SLC22A5: variants seen among roughly 807,000 people sequenced by gnomAD.
SLC22A5 encodes solute carrier family 22 member 5, also known as organic cation/carnitine transporter 2.
A neutral mutation model predicts 56.7 loss-of-function variants in SLC22A5; 44 were observed. That is an observed-to-expected ratio of 0.78 (90% CI 0.61 to 1.00). SLC22A5 has a LOEUF of 1.00. Among genes scored for constraint, SLC22A5 ranks in the 50% least tolerant of loss-of-function variants. The pLI, the probability that SLC22A5 is intolerant of heterozygous loss-of-function variation, is 0.00. For synonymous variants in SLC22A5, 278 were observed against 292.1 expected, an observed-to-expected ratio of 0.95 and a Z score of 0.49; for missense variants, 675 against 723.0, an observed-to-expected ratio of 0.93 and a Z score of 0.76.
At chr5:132,371,388 T>C (rs1180575041) in intron 1 of SLC22A5, among the ~76,000 whole-genome samples, 2 of 152,146 alleles carry the variant, frequency 1.3e-5, no homozygotes, top group Non-Finnish European at 2.9e-5. Flanking sequence ...CATACAGCCT[T>C]AGGTCATAGG....
At chr5:132,387,345 G>C (rs376166802) in intron 5 of SLC22A5, among the ~76,000 whole-genome samples, 194 bp downstream of exon 5, 7 of 137,628 alleles carry the variant, frequency 5.1e-5, no homozygotes, top group East Asian at 2.2e-4. Context: ...TTGAGGAATA[G>C]GTTACAGCTG....
intron 6 of SLC22A5, chr5:132,389,669 TG>T (rs1264180879): frequency 1.9e-5 from 3 of 159,314 alleles, no homozygotes; most frequent in African/African-American, 7.2e-5. Flanking sequence ...GGTGAGAAGA[TG>T]GGCGAGGAGG....
intron 5 of SLC22A5, among the ~76,000 whole-genome samples, chr5:132,388,393 T>C (rs376294333): frequency 4.6e-5 from 7 of 152,378 alleles, no homozygotes; most frequent in East Asian, 1.9e-4. Flanking sequence ...CTGAATTTCA[T>C]AGGAAGTCAC....
At chr5:132,385,521 A>T in intron 4 of SLC22A5, 22 bp downstream of exon 4, 1 of 1,608,818 alleles carries the variant, frequency 6.2e-7, no homozygotes, top group Non-Finnish European at 8.5e-7. Flanking sequence ...CTTGTGCCCC[A>T]TGTGCCCACT....
chr5:132,379,225 C>T (rs184571122), intron 2 of SLC22A5: 12 of 153,070 alleles, frequency 7.8e-5, no homozygotes, highest in Admixed American at 7.1e-4. Flanking sequence ...TTAGAGGGGT[C>T]CATTATGTTG....
chr5:132,371,538 T>G (rs1177080186), intron 1 of SLC22A5, among the ~76,000 whole-genome samples: 1 of 152,166 alleles, frequency 6.6e-6, no homozygotes, highest in East Asian at 1.9e-4. Flanking sequence ...GTTTTGTGTC[T>G]TTTTTAGACA....
chr5:132,372,028 G>A (rs532816066), intron 1 of SLC22A5, among the ~76,000 whole-genome samples: 1 of 152,312 alleles, frequency 6.6e-6, no homozygotes, highest in East Asian at 1.9e-4. Context: ...CCCAGCATTT[G>A]GACCTGCTTT....
chr5:132,370,953 C>CTTTTTTTTTTTTTTTTTTTTTTTTTTTTT (rs750736082), intron 1 of SLC22A5, among the ~76,000 whole-genome samples: 6 of 133,800 alleles, frequency 4.5e-5, no homozygotes, highest in Admixed American at 1.5e-4. Context: ...AGTTGTCAGT[C>CTTTTTTTTTTTTTTTTTTTTTTTTTTTTT]TTTTTTTTTT....
Position 132,378,363 on chromosome 5 carries a change from T to G in SLC22A5, c.394-15T>G, listed in dbSNP as rs1752222656. 1.2e-6 allele frequency: 2 copies of G among 1,613,232 alleles called. No homozygotes were observed. Among genetic ancestry groups the G allele is most frequent in the Non-Finnish European group, 1.7e-6 (2 of 1,179,282 alleles). ...AAAAGAAGTGAATGATACACCCCCT[T>G]TGCTCATCTTGCAGTGGAACCTGGT... On this transcript the variant is annotated splice_polypyrimidine_tract_variant and intron_variant, in intron 1 of 9. Coordinates refer to ENST00000245407, the MANE Select transcript of SLC22A5 (RefSeq NM_003060.4).
At chr5:132,393,332 A>G (rs1208603170) in intron 8 of SLC22A5, among the ~76,000 whole-genome samples, 1 of 152,170 alleles carries the variant, frequency 6.6e-6, no homozygotes, top group Non-Finnish European at 1.5e-5. Context: ...ATCCCTGGAC[A>G]AGTACCTCAG....
In SLC22A5 at chr5:132,394,183, A is replaced by G. The variant is rs1057516402; in HGVS notation, c.1587-2A>G. 7 of 1,605,786 alleles carry G rather than the reference A, an allele frequency of 4.4e-6. No individual in the cohort carries two copies. The highest frequency in any genetic ancestry group is 5.1e-6 in the Non-Finnish European group (6 of 1,172,280). ...CTGACATATTTTTGCTTGTTTTTAT[A>G]GAATGAAACACAGAAAAACTCCAAG... On this transcript the variant is annotated splice_acceptor_variant, in intron 9 of 9. Transcript: ENST00000245407. LOFTEE classifies it high-confidence loss of function.
chr5:132,382,845 G>A (rs1752397240), intron 2 of SLC22A5: 1 of 152,096 alleles, frequency 6.6e-6, no homozygotes, highest in Admixed American at 6.5e-5. Flanking sequence ...TGATATCCAA[G>A]TGCCCTCTAT....
At chr5:132,371,038 C>T (rs1206320647) in intron 1 of SLC22A5, among the ~76,000 whole-genome samples, 2 of 150,888 alleles carry the variant, frequency 1.3e-5, no homozygotes, top group African/African-American at 2.4e-5. Context: ...CCTTCGCAGT[C>T]GTGCGTTCTT....
At chr5:132,384,435 G>T in intron 3 of SLC22A5, 134 bp downstream of exon 3, 1 of 965,144 alleles carries the variant, frequency 1.0e-6, no homozygotes. Flanking sequence ...GAGCTTCCTG[G>T]TGAACCTTAC....
At chr5:132,374,979 A>G (rs274573) in intron 1 of SLC22A5, among the ~76,000 whole-genome samples, 150,434 of 152,216 alleles carry the variant, frequency 0.99, 74,359 homozygotes, top group Middle Eastern at 1. Flanking sequence ...ACTTGAACCC[A>G]GGAGGTGGAG....
rs199689597 is a variant in SLC22A5, at chr5:132,370,103, C to T, written c.131C>T (p.Ala44Val). Reference sequence around the variant, plus strand: ...GGCCTGTCCTCCGTGTTCCTGATAGCGACCCCGGAGCACCGCTGCCGGGTG... The same window carrying T: ...GGCCTGTCCTCCGTGTTCCTGATAGTGACCCCGGAGCACCGCTGCCGGGTG... ...FTGLSSVFLI[A>V]TPEHRCRVPD... Residue 44 changes from alanine to valine, a missense_variant, in exon 1 of 10, where the codon GCG becomes GTG. Transcript: ENST00000245407. 15 of 1,612,050 alleles carry T rather than the reference C, an allele frequency of 9.3e-6. No homozygotes were observed. The highest frequency in any genetic ancestry group is 1.6e-4 in the Middle Eastern group (1 of 6,080).
chr5:132,377,490 C>G (rs991528209), intron 1 of SLC22A5: 1 of 152,316 alleles, frequency 6.6e-6, no homozygotes, highest in Non-Finnish European at 1.5e-5. Flanking sequence ...CTAAGTTTCC[C>G]GTTTGGGCTT....
intron 6 of SLC22A5, 87 bp downstream of exon 6, chr5:132,389,108 A>G (rs1752622846): frequency 3.6e-6 from 3 of 828,986 alleles, no homozygotes; most frequent in Middle Eastern, 6.0e-4. Context: ...TGCCTCAGAC[A>G]AAATTCAAAG....
chr5:132,394,253 T>C lies in SLC22A5; in HGVS notation c.1655T>C (p.Leu552Pro). 6.2e-7 allele frequency: 1 copy of C among 1,611,926 alleles called. No individual in the cohort carries two copies. Residue 552 changes from leucine to proline, a missense_variant, in exon 10 of 10, where the codon CTT (leucine) becomes CCT (proline). Physicochemically the swap from Leu to Pro is moderately conservative, Grantham distance 98. Transcript: ENST00000245407. ...GATGGTCAAGAAAGGCCCACAATCC[T>C]TAAAAGCACAGCCTTCTAACATCGC... ...LKDGQERPTI[L>P]KSTAF is the part of the protein sequence containing the mutation.
Sources: gnomAD v4.1 joint callset for allele counts (sites outside exome capture counted in the v4.1 genomes callset) on GRCh38, gnomAD v4.1.1 for gene constraint, MANE v1.5 for transcripts, NCBI Gene and HGNC (gene_info 2026-07-23, HGNC 2026-07-21) for gene names.